The following PRDM16 variants were observed in gnomAD, a reference collection of about 807,000 sequenced individuals.
The protein encoded by PRDM16 is histone-lysine N-methyltransferase PRDM16.
A neutral mutation model predicts 110.6 loss-of-function variants in PRDM16; 23 were observed. That is an observed-to-expected ratio of 0.21 (90% CI 0.15 to 0.29). The LOEUF (loss-of-function observed/expected upper bound fraction) is 0.29, where lower values mean the gene tolerates loss of function less well. Ranked by LOEUF, PRDM16 falls within the 10% of genes least tolerant of loss-of-function variation. PRDM16 has a pLI of 1.00. For missense variants in PRDM16, 1,615 were observed against 1,794.3 expected, an observed-to-expected ratio of 0.90 and a Z score of 1.81; for synonymous variants, 799 against 781.8, an observed-to-expected ratio of 1.02 and a Z score of -0.37.
intron 1 of PRDM16, among the ~76,000 whole-genome samples, chr1:3,100,511 T>C (rs1642506041): frequency 6.6e-6 from 1 of 152,108 alleles, no homozygotes; most frequent in African/African-American, 2.4e-5. Context: ...CTCCACGCCC[T>C]GCCCTCAGTG....
intron 3 of PRDM16, among the ~76,000 whole-genome samples, chr1:3,277,787 G>GCA (rs1001941849): frequency 8.8e-6 from 1 of 114,004 alleles, no homozygotes; most frequent in Non-Finnish European, 1.6e-5. Flanking sequence ...GCACACATAT[G>GCA]CACACACAAA....
At chr1:3,272,388 C>T (rs1053521147) in intron 3 of PRDM16, among the ~76,000 whole-genome samples, 2 of 152,124 alleles carry the variant, frequency 1.3e-5, no homozygotes, top group Non-Finnish European at 2.9e-5. Flanking sequence ...TTGTTTGCAG[C>T]TCTCAGGGCA....
chr1:3,188,248 G>A (rs1644294771), intron 2 of PRDM16, among the ~76,000 whole-genome samples: 1 of 152,238 alleles, frequency 6.6e-6, no homozygotes, highest in South Asian at 2.1e-4. Context: ...ACTTAGAAAG[G>A]TCTGGACTGT....
intron 8 of PRDM16, among the ~76,000 whole-genome samples, chr1:3,407,407 C>T (rs1172395681): frequency 2.6e-5 from 4 of 152,244 alleles, no homozygotes; most frequent in East Asian, 1.9e-4. Flanking sequence ...TGCTGACCAC[C>T]GATCTCCCAG....
At chr1:3,214,475 TC>T (rs1399219554) in intron 2 of PRDM16, among the ~76,000 whole-genome samples, 1 of 152,184 alleles carries the variant, frequency 6.6e-6, no homozygotes, top group African/African-American at 2.4e-5. Flanking sequence ...GACGGGCAGA[TC>T]ACCTGAGGTT....
chr1:3,356,213 G>A (rs79853813), intron 3 of PRDM16, among the ~76,000 whole-genome samples: 3,334 of 152,300 alleles, frequency 0.022, 54 homozygotes, highest in Non-Finnish European at 0.031. Context: ...ATCACGCAGG[G>A]GGCTTGAGCA....
At chr1:3,116,188 G>A (rs890219805) in intron 1 of PRDM16, among the ~76,000 whole-genome samples, 2 of 152,296 alleles carry the variant, frequency 1.3e-5, no homozygotes, top group African/African-American at 2.4e-5. Context: ...GTTCCTTACC[G>A]GGGAGAACAG....
intron 6 of PRDM16, among the ~76,000 whole-genome samples, chr1:3,403,394 G>C (rs146972250): frequency 0.013 from 2,056 of 152,348 alleles, 24 homozygotes; most frequent in Non-Finnish European, 0.02. Context: ...TCTGTAATAA[G>C]GTCCCAGACC....
At chr1:3,211,519 A>T (rs944472181) in intron 2 of PRDM16, among the ~76,000 whole-genome samples, 2 of 152,212 alleles carry the variant, frequency 1.3e-5, no homozygotes, top group Non-Finnish European at 2.9e-5. Flanking sequence ...GGGCTGCAGC[A>T]GATTCGTGTC....
At chr1:3,278,850 C>A (rs537261172) in intron 3 of PRDM16, among the ~76,000 whole-genome samples, 1 of 152,204 alleles carries the variant, frequency 6.6e-6, no homozygotes, top group East Asian at 1.9e-4. Context: ...AAGCACAAAG[C>A]GTCCCTGCGT....
intron 1 of PRDM16, among the ~76,000 whole-genome samples, chr1:3,134,934 G>A (rs562162586): frequency 3.9e-5 from 6 of 152,272 alleles, no homozygotes; most frequent in African/African-American, 9.6e-5. Flanking sequence ...GGGATTAGAC[G>A]GCCGAGCTGC....
chr1:3,275,340 A>C (rs1249334630), intron 3 of PRDM16, among the ~76,000 whole-genome samples: 1 of 152,102 alleles, frequency 6.6e-6, no homozygotes, highest in Non-Finnish European at 1.5e-5. Context: ...AAGTGGGGGC[A>C]CCCCGTCCCA....
chr1:3,430,638 C>T (rs1223501307), intron 14 of PRDM16, among the ~76,000 whole-genome samples: 1 of 152,236 alleles, frequency 6.6e-6, no homozygotes, highest in East Asian at 1.9e-4. Flanking sequence ...CCTTGCCCTG[C>T]CCCCACCGCC....
At chr1:3,200,994 A>C (rs1460990717) in intron 2 of PRDM16, among the ~76,000 whole-genome samples, 1 of 151,036 alleles carries the variant, frequency 6.6e-6, no homozygotes, top group East Asian at 2.0e-4. Flanking sequence ...AGGGGGAGGA[A>C]GGGGAAGAGG....
At chr1:3,187,822 C>T (rs1644288192) in intron 2 of PRDM16, among the ~76,000 whole-genome samples, 1 of 152,184 alleles carries the variant, frequency 6.6e-6, no homozygotes, top group Admixed American at 6.5e-5. Context: ...TTAAAGCCCC[C>T]CAGCCCTTTA....
intron 1 of PRDM16, among the ~76,000 whole-genome samples, chr1:3,100,398 A>C (rs1642503403): frequency 6.6e-6 from 1 of 152,116 alleles, no homozygotes; most frequent in African/African-American, 2.4e-5. Flanking sequence ...CCGCTTCCCC[A>C]TCCTTGGCCG....
chr1:3,261,942 C>G (rs371684820), intron 3 of PRDM16, among the ~76,000 whole-genome samples: 11 of 152,374 alleles, frequency 7.2e-5, no homozygotes, highest in Admixed American at 2.6e-4. Flanking sequence ...TCCTACCCCC[C>G]ACCCTGTCTC....
intron 1 of PRDM16, among the ~76,000 whole-genome samples, chr1:3,123,099 G>C (rs771631170): frequency 1.3e-5 from 2 of 152,220 alleles, no homozygotes; most frequent in Non-Finnish European, 2.9e-5. Flanking sequence ...GGCTGGATGC[G>C]TGGTTGCTGT....
chr1:3,288,618 G>A (rs939198207), intron 3 of PRDM16, among the ~76,000 whole-genome samples: 5 of 152,102 alleles, frequency 3.3e-5, no homozygotes, highest in African/African-American at 9.7e-5. Flanking sequence ...TGGTGGGACC[G>A]AGGCCACCAC....
Sources: gnomAD v4.1 joint callset for allele counts (sites outside exome capture counted in the v4.1 genomes callset) on GRCh38, gnomAD v4.1.1 for gene constraint, MANE v1.5 for transcripts, NCBI Gene and HGNC (gene_info 2026-07-23, HGNC 2026-07-21) for gene names.